The following SYNE1 variants were observed in gnomAD, a reference collection of about 807,000 sequenced individuals.
The protein encoded by SYNE1 is nesprin-1.
Under a neutral mutation model 1,111.0 loss-of-function variants are expected in SYNE1, and 616 were observed. That is an observed-to-expected ratio of 0.55 (90% CI 0.52 to 0.59). SYNE1 has a LOEUF of 0.59. Ranked by LOEUF, SYNE1 falls within the 20% of genes least tolerant of loss-of-function variation. The probability of loss-of-function intolerance (pLI) is 0.00; values close to 1 mark genes in which losing one functional copy is unlikely to be tolerated. For missense variants in SYNE1, 10,006 were observed against 10,417.0 expected, an observed-to-expected ratio of 0.96 and a Z score of 1.72; for synonymous variants, 3,855 against 3,825.8, an observed-to-expected ratio of 1.01 and a Z score of -0.28.
intron 131 of SYNE1, among the ~76,000 whole-genome samples, chr6:152,163,501 G>GAA (rs35413195): frequency 0.11 from 12,619 of 114,462 alleles, 757 homozygotes; most frequent in South Asian, 0.25. Flanking sequence ...TCTGTCTCAG[G>GAA]AAAAAAAAAA....
intron 39 of SYNE1, among the ~76,000 whole-genome samples, chr6:152,420,217 G>A (rs1386698157): frequency 1.3e-5 from 2 of 152,112 alleles, no homozygotes; most frequent in Non-Finnish European, 2.9e-5. Flanking sequence ...ACAGTCAGCT[G>A]CAATCCAAAA....
chr6:152,374,196 C>T (rs1425138868), intron 58 of SYNE1, among the ~76,000 whole-genome samples: 2 of 152,192 alleles, frequency 1.3e-5, no homozygotes, highest in African/African-American at 4.8e-5. Flanking sequence ...ACAGTATATA[C>T]TTTTCCTTTC....
intron 3 of SYNE1, among the ~76,000 whole-genome samples, chr6:152,609,342 C>T (rs2099624894): frequency 6.6e-6 from 1 of 152,152 alleles, no homozygotes; most frequent in Non-Finnish European, 1.5e-5. Flanking sequence ...CTCAGCAGGT[C>T]CCACACTCAC....
At chr6:152,252,106 T>G (rs1007246474) in intron 104 of SYNE1, among the ~76,000 whole-genome samples, 1 of 152,016 alleles carries the variant, frequency 6.6e-6, no homozygotes, top group African/African-American at 2.4e-5. Context: ...AGCCCATCTC[T>G]ACTTAAAAAT....
chr6:152,255,996 G>A (rs1458702078), intron 102 of SYNE1, among the ~76,000 whole-genome samples: 4 of 152,184 alleles, frequency 2.6e-5, no homozygotes, highest in Admixed American at 1.3e-4. Flanking sequence ...CTTCTTAGGA[G>A]GCTGAAGCAT....
chr6:152,244,708 C>T (rs773799198), intron 105 of SYNE1, 52 bp from the exon 106 acceptor site: 52 of 1,609,730 alleles, frequency 3.2e-5, no homozygotes, highest in Non-Finnish European at 3.7e-5. Flanking sequence ...AATTTCCCCA[C>T]GGAAGATGTG....
intron 30 of SYNE1, 64 bp from the exon 31 acceptor site, chr6:152,442,309 C>CA: frequency 1.3e-6 from 2 of 1,590,348 alleles, no homozygotes; most frequent in Non-Finnish European, 1.7e-6. Context: ...GTAGGGACAT[C>CA]AACACCCACG....
At chr6:152,124,775 AG>A (rs1356248850) in intron 145 of SYNE1, among the ~76,000 whole-genome samples, 1 of 152,250 alleles carries the variant, frequency 6.6e-6, no homozygotes, top group African/African-American at 2.4e-5. Context: ...AAAGGAAAAT[AG>A]AAACTTCTTG....
At chr6:152,429,022 T>C (rs2098402044) in intron 36 of SYNE1, among the ~76,000 whole-genome samples, 1 of 151,410 alleles carries the variant, frequency 6.6e-6, no homozygotes, top group Non-Finnish European at 1.5e-5. Flanking sequence ...TAACATGCTA[T>C]AATCACTCCA....
At chr6:152,574,648 G>C (rs1052533226) in intron 3 of SYNE1, among the ~76,000 whole-genome samples, 8 of 152,284 alleles carry the variant, frequency 5.3e-5, no homozygotes, top group African/African-American at 1.9e-4. Context: ...AAATACCGTA[G>C]TTGTTTCTCA....
intron 127 of SYNE1, among the ~76,000 whole-genome samples, chr6:152,193,023 C>G (rs966746176): frequency 1.3e-5 from 2 of 152,050 alleles, no homozygotes; most frequent in Non-Finnish European, 2.9e-5. Context: ...TCCATTTAGT[C>G]ACTCAATGTC....
chr6:152,405,553 G>A (rs904644535), intron 45 of SYNE1, among the ~76,000 whole-genome samples: 2 of 152,186 alleles, frequency 1.3e-5, no homozygotes, highest in Admixed American at 6.5e-5. Flanking sequence ...CATTACCTTT[G>A]AATTCAATGG....
intron 3 of SYNE1, among the ~76,000 whole-genome samples, chr6:152,549,828 G>A (rs1414690684): frequency 1.3e-5 from 2 of 152,066 alleles, no homozygotes; most frequent in African/African-American, 2.4e-5. Flanking sequence ...CAGAATTGGA[G>A]TTGCATTTCT....
intron 127 of SYNE1, among the ~76,000 whole-genome samples, chr6:152,190,089 C>G (rs1028489972): frequency 1.3e-5 from 2 of 152,172 alleles, no homozygotes; most frequent in South Asian, 4.1e-4. Flanking sequence ...AGAATTTTTA[C>G]CAGAAGTAGA....
intron 111 of SYNE1, 33 bp from the exon 112 acceptor site, chr6:152,233,996 A>C (rs1462052346): frequency 1.2e-6 from 2 of 1,607,778 alleles, no homozygotes; most frequent in Non-Finnish European, 1.7e-6. Flanking sequence ...AATTAGGGTT[A>C]AATAGCTAGA....
chr6:152,331,208 C>T lies in SYNE1; in HGVS notation c.13477G>A (p.Val4493Ile), dbSNP rs1485320437. ...GCTTGTGCACTCTTACATGTTTTGA[C>T]TTGTTTGCTCACATCATCTGGTAAC... Reference protein sequence around the residue: ...CLLPDDVSKQVKTCKSAQASL... With the variant: ...CLLPDDVSKQIKTCKSAQASL... Residue 4493 changes from valine (V) to isoleucine (I), a missense_variant, in exon 78 of 146, where the codon GTC becomes ATC. Around this residue, in one of 7 missense-constraint regions of SYNE1, gnomAD observed 4,955 missense variants for 5,017.2 expected, o/e 0.99. Coordinates refer to ENST00000367255, the MANE Select transcript of SYNE1 (RefSeq NM_182961.4). 10 of 1,613,978 alleles carry T rather than the reference C, an allele frequency of 6.2e-6. No individual in the cohort carries two copies. The highest frequency in any genetic ancestry group is 2.2e-5 in the East Asian group (1 of 44,886).
Position 152,239,546 on chromosome 6 carries a change from T to C in SYNE1, c.20054A>G (p.Glu6685Gly). Residue 6685 changes from glutamate to glycine, a missense_variant, in exon 108 of 146, where the codon GAG becomes GGG. Glu to Gly is a moderately conservative substitution (Grantham distance 98). Coordinates refer to ENST00000367255, the MANE Select transcript of SYNE1 (RefSeq NM_182961.4). The part of the protein sequence containing the change: ...KRAHKRGVEL[E>G]YILETWSHLD... Reference sequence around the variant, plus strand: ...CAATGGTCTCACCTCTAGAATGTACTCCAGCTCCACACCCCTCTTGTGAGC... The same window carrying C: ...CAATGGTCTCACCTCTAGAATGTACCCCAGCTCCACACCCCTCTTGTGAGC... The C allele has an allele frequency of 6.2e-7, 1 of 1,614,178 alleles. No individual in the cohort carries two copies. Among genetic ancestry groups the C allele is most frequent in the Non-Finnish European group, 8.5e-7 (1 of 1,180,034 alleles).
At chr6:152,399,920 T>G (rs554846819) in intron 47 of SYNE1, 97 bp from the exon 48 acceptor site, 1 of 1,331,770 alleles carries the variant, frequency 7.5e-7, no homozygotes, top group African/African-American at 1.5e-5. Context: ...GAAATTGACA[T>G]TGTTGAATCC....
intron 9 of SYNE1, 31 bp downstream of exon 9, chr6:152,505,170 G>T: frequency 2.5e-6 from 4 of 1,608,116 alleles, no homozygotes; most frequent in Non-Finnish European, 3.4e-6. Context: ...CCGTGTTAAG[G>T]TATATAACAG....
Sources: allele counts gnomAD v4.1 joint callset (sites outside exome capture counted in the v4.1 genomes callset), GRCh38; gene constraint gnomAD v4.1.1; regional missense constraint gnomAD v4.1.1; transcripts MANE v1.5; gene names NCBI Gene and HGNC (gene_info 2026-07-23, HGNC 2026-07-21).